PHACTR3: variants seen among roughly 807,000 people sequenced by gnomAD.
PHACTR3 encodes the protein phosphatase and actin regulator 3.
A neutral mutation model predicts 66.8 loss-of-function variants in PHACTR3; 16 were observed. The observed-to-expected ratio is 0.24, with a 90% CI of 0.16 to 0.36. The LOEUF is 0.36. PHACTR3 is among the 10% of genes least tolerant of loss of function. PHACTR3 has a pLI of 1.00. For synonymous variants in PHACTR3, 323 were observed against 292.1 expected, an observed-to-expected ratio of 1.11 and a Z score of -1.08; for missense variants, 647 against 719.9, an observed-to-expected ratio of 0.90 and a Z score of 1.16.
At chr20:59,840,285 T>TG (rs1227684516) in intron 9 of PHACTR3, 84 bp from the exon 10 acceptor site, 3 of 1,529,144 alleles carry the variant, frequency 2.0e-6, no homozygotes, top group Non-Finnish European at 2.6e-6. Flanking sequence ...ATGGATATCT[T>TG]GGGAACACTT....
chr20:59,637,066 C>T (rs1238815741), intron 1 of PHACTR3, among the ~76,000 whole-genome samples: 3 of 152,228 alleles, frequency 2.0e-5, no homozygotes, highest in African/African-American at 7.2e-5. Flanking sequence ...CCAAAGCAAC[C>T]TGCTCCTCAG....
intron 1 of PHACTR3, among the ~76,000 whole-genome samples, chr20:59,667,207 C>A (rs952292861): frequency 6.6e-6 from 1 of 152,188 alleles, no homozygotes; most frequent in African/African-American, 2.4e-5. Flanking sequence ...GATCGCAGGG[C>A]ATGAGGCAGG....
intron 1 of PHACTR3, among the ~76,000 whole-genome samples, chr20:59,622,076 A>ATG (rs1231643778): frequency 8.6e-5 from 13 of 151,324 alleles, no homozygotes; most frequent in African/African-American, 2.2e-4. Flanking sequence ...GCATATATAT[A>ATG]TGTGTGTGTA....
In PHACTR3 at chr20:59,657,902, C is replaced by A. The variant is rs77016664; in HGVS notation, c.118+52770C>A. On this transcript the variant is annotated intron_variant, in intron 1 of 12. Coordinates refer to ENST00000371015, the MANE Select transcript of PHACTR3 (RefSeq NM_080672.5). Reference sequence around the variant, plus strand: ...ATTTCTTTGAAAAAAATTTCTGCTTCTTTTTCACTCTTCTCTTATTCTGGT... The same window carrying A: ...ATTTCTTTGAAAAAAATTTCTGCTTATTTTTCACTCTTCTCTTATTCTGGT... 8.3e-3 allele frequency among the ~76,000 whole-genome samples: 1,266 copies of A among 152,186 alleles called. 23 individuals carry two copies. Among genetic ancestry groups the A allele is most frequent in the African/African-American group, 0.029 (1,215 of 41,540 alleles).
At chr20:59,591,938 G>C (rs2033193790) in intron 1 of PHACTR3, among the ~76,000 whole-genome samples, 1 of 152,054 alleles carries the variant, frequency 6.6e-6, no homozygotes, top group African/African-American at 2.4e-5. Context: ...GTCTTCTCTG[G>C]CTGCTCCCAG....
chr20:59,636,431 T>C (rs1332144930), intron 1 of PHACTR3, among the ~76,000 whole-genome samples: 1 of 152,174 alleles, frequency 6.6e-6, no homozygotes, highest in African/African-American at 2.4e-5. Context: ...CTCTCTCAAG[T>C]CCTGGTGGAT....
At chr20:59,846,988 A>G (rs1262772820) in intron 12 of PHACTR3, 127 bp from the exon 13 acceptor site, 6 of 630,900 alleles carry the variant, frequency 9.5e-6, no homozygotes, top group African/African-American at 7.2e-5. Flanking sequence ...CTCCATCCTC[A>G]TGTTTTACAT....
chr20:59,643,509 G>C (rs2035177201), intron 1 of PHACTR3, among the ~76,000 whole-genome samples: 1 of 152,210 alleles, frequency 6.6e-6, no homozygotes, highest in African/African-American at 2.4e-5. Flanking sequence ...CAAGTTTTGA[G>C]TAATTCTGCA....
chr20:59,736,477 G>C lies in PHACTR3; in HGVS notation c.119-6630G>C, dbSNP rs1300017441. Among the ~76,000 whole-genome samples the C allele has an allele frequency of 6.6e-6, 1 of 151,922 alleles. No homozygotes were observed. The highest frequency in any genetic ancestry group is 2.4e-5 in the African/African-American group (1 of 41,400). ...CGCCCACAGATGGCATCCCACCCAT[G>C]CAGGTGCACACCCACCCACGCCCAT... On this transcript the variant is annotated intron_variant, in intron 1 of 12. Transcript: ENST00000371015. The surrounding 1 kb of genome is among the most constrained non-coding windows in gnomAD (Gnocchi z 4.6).
At chr20:59,601,639 A>T (rs879329875), upstream of PHACTR3, among the ~76,000 whole-genome samples, 12 of 152,212 alleles carry the variant, frequency 7.9e-5, no homozygotes, top group Admixed American at 1.3e-4. Flanking sequence ...TTGAAGTCCA[A>T]AGTCTCTCCG....
intron 1 of PHACTR3, among the ~76,000 whole-genome samples, chr20:59,717,329 G>A (rs1441478878): frequency 6.6e-6 from 1 of 152,154 alleles, no homozygotes; most frequent in Non-Finnish European, 1.5e-5. Flanking sequence ...CAAATGGCAG[G>A]GAGATATCTT....
intron 11 of PHACTR3, chr20:59,843,893 AT>A (rs1403447967): frequency 6.6e-6 from 1 of 152,058 alleles, no homozygotes; most frequent in Non-Finnish European, 1.5e-5. Flanking sequence ...AACAGGGAAT[AT>A]GAGAAAATAT....
At chr20:59,805,896 G>A (rs564473629) in intron 7 of PHACTR3, 145 bp from the exon 8 acceptor site, 20 of 837,366 alleles carry the variant, frequency 2.4e-5, no homozygotes, top group East Asian at 1.2e-4. Context: ...GCTGGCGAGC[G>A]TGTGTCCTCT....
At chr20:59,808,762 C>T (rs902931913) in intron 8 of PHACTR3, among the ~76,000 whole-genome samples, 6 of 152,234 alleles carry the variant, frequency 3.9e-5, no homozygotes, top group East Asian at 1.9e-4. Context: ...CTAGGGCTGC[C>T]GACACTGCTC....
At chr20:59,599,220 A>G (rs2033406861) in intron 1 of PHACTR3, among the ~76,000 whole-genome samples, 1 of 152,194 alleles carries the variant, frequency 6.6e-6, no homozygotes, top group Non-Finnish European at 1.5e-5. Flanking sequence ...GTGCACATTC[A>G]TTCATTTATT....
At chr20:59,763,717 G>A (rs545467294) in intron 4 of PHACTR3, among the ~76,000 whole-genome samples, 1 of 152,352 alleles carries the variant, frequency 6.6e-6, no homozygotes, top group East Asian at 1.9e-4. Context: ...AGAGGACCTA[G>A]GCCTTCATCC....
At chr20:59,715,558 C>T (rs1481394252) in intron 1 of PHACTR3, among the ~76,000 whole-genome samples, 1 of 152,200 alleles carries the variant, frequency 6.6e-6, no homozygotes, top group East Asian at 1.9e-4. Flanking sequence ...TATCTATGGT[C>T]ACGAAAGATA....
intron 1 of PHACTR3, among the ~76,000 whole-genome samples, chr20:59,734,433 G>T (rs180848322): frequency 5.3e-5 from 8 of 151,518 alleles, no homozygotes; most frequent in Middle Eastern, 6.8e-3. Flanking sequence ...TTTTTCCTTC[G>T]TTTTTGTAGA....
At chr20:59,693,533 C>G (rs77488806) in intron 1 of PHACTR3, among the ~76,000 whole-genome samples, 1 of 152,214 alleles carries the variant, frequency 6.6e-6, no homozygotes, top group Non-Finnish European at 1.5e-5. Context: ...TATATAGACT[C>G]AATAGACTCT....
Sources: gnomAD v4.1 joint callset for allele counts (sites outside exome capture counted in the v4.1 genomes callset) on GRCh38, gnomAD v4.1.1 for gene constraint, Gnocchi (gnomAD v3.1) non-coding constraint, MANE v1.5 for transcripts, NCBI Gene and HGNC (gene_info 2026-07-23, HGNC 2026-07-21) for gene names.